Variants in CNTNAP1 observed in about 807,000 individuals in gnomAD.
CNTNAP1 encodes contactin-associated protein 1.
CNTNAP1 carries 80 observed loss-of-function variants against 161.5 expected under a neutral mutation model. The observed-to-expected ratio is 0.50, with a 90% CI of 0.41 to 0.60. The LOEUF (loss-of-function observed/expected upper bound fraction) is 0.60. Ranked by LOEUF, CNTNAP1 falls within the 20% of genes least tolerant of loss-of-function variation. The probability of loss-of-function intolerance (pLI) is 0.00; values close to 1 mark genes in which losing one functional copy is unlikely to be tolerated. For synonymous variants in CNTNAP1, 695 were observed against 733.1 expected (o/e 0.95, Z 0.84); for missense variants, 1,464 against 1,854.8 (o/e 0.79, Z 3.87).
In CNTNAP1 at chr17:42,692,549, C is replaced by A; in HGVS notation, c.2581C>A (p.Leu861Ile). The change falls in exon 17 of 24, where the codon CTC (leucine) becomes ATC (isoleucine). Residue 861 changes from leucine (L) to isoleucine (I), a missense_variant. By Grantham distance (5) the Leu-to-Ile change is conservative (BLOSUM62 2). This residue lies in a region of CNTNAP1 where 1,383 missense variants were observed against 1,765.0 expected (regional missense o/e 0.78). Transcript: ENST00000264638. Reference protein sequence around the residue: ...AFDVGNGDENLTVHSDDFEFN... With the variant: ...AFDVGNGDENITVHSDDFEFN... ...TGATGTGGGGAATGGGGATGAGAAC[C>A]TCACAGTACACTCAGACGACTTTGA... 1 of 1,614,190 alleles carries A rather than the reference C, an allele frequency of 6.2e-7. No homozygotes were observed. The highest frequency in any genetic ancestry group is 1.7e-5 in the Admixed American group (1 of 60,024).
Position 42,687,810 on chromosome 17 carries a change from C to T in CNTNAP1, c.1135C>T (p.Arg379Cys), listed in dbSNP as rs1193724286. 2 of 1,614,238 alleles carry T rather than the reference C, an allele frequency of 1.2e-6. No homozygotes were observed. Among genetic ancestry groups the T allele is most frequent in the East Asian group, 4.5e-5 (2 of 44,888 alleles). ...CTTCGTTCAAGTGCCCGGTTTCCCACGCCGTGGCCGCCTGGCAGTCTCATT... is the reference window on the plus strand; with the variant it reads ...CTTCGTTCAAGTGCCCGGTTTCCCATGCCGTGGCCGCCTGGCAGTCTCATT... Reference protein sequence around the residue: ...HNFVQVPGFPRRGRLAVSFRF... With the variant: ...HNFVQVPGFPCRGRLAVSFRF... Residue 379 changes from arginine to cysteine, a missense_variant, in exon 8 of 24, where the codon CGC (arginine) becomes TGC (cysteine). By Grantham distance (180) the Arg-to-Cys change is radical (BLOSUM62 -3). Around this residue, in one of 3 missense-constraint regions of CNTNAP1, gnomAD observed 1,383 missense variants for 1,765.0 expected, o/e 0.78. Transcript: ENST00000264638. The surrounding 1 kb of genome is among the most constrained non-coding windows in gnomAD (Gnocchi z 4.7).
chr17:42,686,784 G>C (rs920483417), intron 6 of CNTNAP1, 119 bp from the exon 7 acceptor site: 3 of 1,211,482 alleles, frequency 2.5e-6, no homozygotes, highest in Non-Finnish European at 3.4e-6. Context: ...GGGGAAATGT[G>C]TGTTTTAAGT....
Position 42,686,387 on chromosome 17 carries a change from T to A in CNTNAP1, c.900+246T>A, listed in dbSNP as rs573983307. Among the ~76,000 whole-genome samples, 683 of 148,840 alleles carry A rather than the reference T, an allele frequency of 4.6e-3. 5 individuals are homozygous for A. The highest frequency in any genetic ancestry group is 0.013 in the African/African-American group (513 of 40,814). On this transcript the variant is annotated intron_variant, in intron 6 of 23. Coordinates refer to ENST00000264638, the MANE Select transcript of CNTNAP1 (RefSeq NM_003632.3). ...CATCCTACCTCTATTTAAAAAAATT[T>A]TTTTTTTCAAAGACCTCGCATTCCA...
rs2053088005 is a variant in CNTNAP1 at position 42,691,679 on chromosome 17, T to G, written c.2345-127T>G. 12 of 1,343,654 alleles carry G rather than the reference T, an allele frequency of 8.9e-6. No individual in the cohort carries two copies. The highest frequency in any genetic ancestry group is 1.3e-5 in the Non-Finnish European group (12 of 957,674). The allele number at this position is 1,343,654 out of a possible 1,614,324, so 83.2% of individuals were successfully genotyped here. ...CCTGGCTCCTCTTTCATTCCACTCC[T>G]TAGTCTCCCCTCCGTCACCTCAAAC... On this transcript the variant is annotated intron_variant, in intron 15 of 23. Coordinates refer to ENST00000264638, the MANE Select transcript of CNTNAP1 (RefSeq NM_003632.3). The surrounding 1 kb of genome is among the most constrained non-coding windows in gnomAD (Gnocchi z 4.3).
chr17:42,684,339 A>G, intron 3 of CNTNAP1, 110 bp downstream of exon 3: 1 of 1,047,060 alleles, frequency 9.6e-7, no homozygotes, highest in Non-Finnish European at 1.4e-6. Flanking sequence ...GGGCTCGGAC[A>G]AGGAGCAGTG....
chr17:42,682,636 G>C lies in CNTNAP1; in HGVS notation c.-194G>C. The stretch of plus-strand genomic sequence containing the variant: ...GAGAAGAGCGGAGGACCAGGAACCA[G>C]AGAGAGAGAGAGAGAAAAGAGAGAG... On this transcript the variant is annotated 5_prime_UTR_variant, in exon 1 of 24. Transcript: ENST00000264638. 4.8e-6 allele frequency: 1 copy of C among 207,168 alleles called. No individual in the cohort carries two copies. The highest frequency in any genetic ancestry group is 9.7e-6 in the Non-Finnish European group (1 of 102,826). 12.8% of individuals were successfully genotyped at this position (207,168 alleles called of 1,614,324 possible). A position where few individuals can be genotyped will look rare whatever the true frequency, so the allele number is the denominator to read the frequency against.
intron 6 of CNTNAP1, among the ~76,000 whole-genome samples, chr17:42,686,580 C>G (rs1346264653): frequency 7.0e-6 from 1 of 141,916 alleles, no homozygotes; most frequent in Non-Finnish European, 1.5e-5. Flanking sequence ...ATTTTGGGGA[C>G]TAGGCAAGGT....
Position 42,698,689 on chromosome 17 carries a change from A to G in CNTNAP1, c.3934A>G (p.Lys1312Glu). Residue 1312 changes from lysine to glutamate, a missense_variant, in exon 24 of 24, where the codon AAG becomes GAG. By Grantham distance (56) the Lys-to-Glu change is moderately conservative. Around this residue, in one of 3 missense-constraint regions of CNTNAP1, gnomAD observed 1,383 missense variants for 1,765.0 expected, o/e 0.78. Transcript: ENST00000264638. ...CTTCTATCTGCAAAATCATCGCTAT[A>G]AGGGCTCCTACCATACCAATGAGCC... is the stretch of plus-strand genomic sequence containing the variant. ...VLFYLQNHRY[K>E]GSYHTNEPKA... 1.2e-6 allele frequency: 2 copies of G among 1,613,196 alleles called. No homozygotes were observed. The highest frequency in any genetic ancestry group is 1.7e-6 in the Non-Finnish European group (2 of 1,179,582).
At position 42,687,807 on chromosome 17, in the gene CNTNAP1, C is replaced by T; in HGVS notation, c.1132C>T (p.Pro378Ser). 1 of 1,614,238 alleles carries T rather than the reference C, an allele frequency of 6.2e-7. No individual in the cohort carries two copies. The highest frequency in any genetic ancestry group is 1.6e-4 in the Middle Eastern group (1 of 6,062). Reference sequence around the variant, plus strand: ...CAACTTCGTTCAAGTGCCCGGTTTCCCACGCCGTGGCCGCCTGGCAGTCTC... The same window carrying T: ...CAACTTCGTTCAAGTGCCCGGTTTCTCACGCCGTGGCCGCCTGGCAGTCTC... ...PHNFVQVPGF[P>S]RRGRLAVSFR... The change falls in exon 8 of 24, where the codon CCA becomes TCA. Residue 378 changes from proline (P) to serine (S), a missense_variant. Physicochemically the swap from Pro to Ser is moderately conservative, Grantham distance 74. This residue lies in a region of CNTNAP1 where 1,383 missense variants were observed against 1,765.0 expected (regional missense o/e 0.78). Transcript: ENST00000264638. This position sits in a 1 kb window ranked among gnomAD's most constrained non-coding sequence, Gnocchi z 4.7.
rs561659603 is a variant in CNTNAP1 at position 42,685,302 on chromosome 17, C to T, written c.597C>T (p.Phe199=). Residue 199 remains phenylalanine, a synonymous_variant, in exon 5 of 24, where the codon TTC becomes TTT. Transcript: ENST00000264638. The surrounding 1 kb of genome is among the most constrained non-coding windows in gnomAD (Gnocchi z 5.0). The part of the protein sequence containing the change: ...RGVSRSLWDV[F]AFSFKTEEKD... The stretch of plus-strand genomic sequence containing the variant: ...TCAGCCGAAGCCTGTGGGACGTGTT[C>T]GCCTTCAGCTTCAAGACCGAGGAGA... 16 of 1,613,356 alleles carry T rather than the reference C, an allele frequency of 9.9e-6. No homozygotes were observed. In the South Asian group the frequency reaches 1.5e-4, roughly 15 times the overall value.
chr17:42,683,926 A>C lies in CNTNAP1; in HGVS notation c.169+4A>C. On this transcript the variant is annotated splice_donor_region_variant and intron_variant, in intron 2 of 23. Transcript: ENST00000264638. Reference sequence around the variant, plus strand: ...CCGAGATTCGCCAGGCTGCACGGTGAGCTCCGCGGAACATCAGCTGCCAAC... The same window carrying C: ...CCGAGATTCGCCAGGCTGCACGGTGCGCTCCGCGGAACATCAGCTGCCAAC... 2 of 1,613,852 alleles carry C rather than the reference A, an allele frequency of 1.2e-6. No homozygotes were observed. The highest frequency in any genetic ancestry group is 1.7e-6 in the Non-Finnish European group (2 of 1,179,906).
chr17:42,691,281 A>C lies in CNTNAP1; in HGVS notation c.2204A>C (p.Asp735Ala). 1 of 1,614,094 alleles carries C rather than the reference A, an allele frequency of 6.2e-7. No individual in the cohort carries two copies. Among genetic ancestry groups the C allele is most frequent in the Non-Finnish European group, 8.5e-7 (1 of 1,179,992 alleles). ...GCCTTGTACTGCAACTGTGACGCTG[A>C]CCAGCCCCAGTGGTGAGGGGGCAAA... Reference protein sequence around the residue: ...DPALYCNCDADQPQWRTDKGL... With the variant: ...DPALYCNCDAAQPQWRTDKGL... Residue 735 changes from aspartate to alanine, a missense_variant, in exon 14 of 24, where the codon GAC becomes GCC. Around this residue, in one of 3 missense-constraint regions of CNTNAP1, gnomAD observed 1,383 missense variants for 1,765.0 expected, o/e 0.78. Coordinates refer to ENST00000264638, the MANE Select transcript of CNTNAP1 (RefSeq NM_003632.3). This position sits in a 1 kb window ranked among gnomAD's most constrained non-coding sequence, Gnocchi z 4.3.
At chr17:42,683,376 G>C in intron 1 of CNTNAP1, 1 of 1,081,088 alleles carries the variant, frequency 9.2e-7, no homozygotes, top group South Asian at 2.8e-5. Context: ...CATGGAGCTG[G>C]TGATGGTGCT....
chr17:42,690,811 G>A lies in CNTNAP1; in HGVS notation c.1928G>A (p.Arg643Gln), dbSNP rs202120747. Residue 643 changes from arginine (R) to glutamine (Q), a missense_variant, in exon 13 of 24, where the codon CGG becomes CAG. Coordinates refer to ENST00000264638, the MANE Select transcript of CNTNAP1 (RefSeq NM_003632.3). ...TTRVTGSSMERPFLGAIQYWN... is the reference protein window; with the variant it reads ...TTRVTGSSMEQPFLGAIQYWN... ...CGAGTGACAGGTTCCAGCATGGAGCGGCCATTCCTGGGGGCTATCCAGTAC... is the reference window on the plus strand; with the variant it reads ...CGAGTGACAGGTTCCAGCATGGAGCAGCCATTCCTGGGGGCTATCCAGTAC... The A allele has an allele frequency of 1.5e-5, 25 of 1,614,222 alleles. No individual in the cohort carries two copies. In the Admixed American group the frequency reaches 2.0e-4, roughly 13 times the overall value.
Position 42,690,802 on chromosome 17 carries a change from G to T in CNTNAP1, c.1919G>T (p.Ser640Ile), listed in dbSNP as rs148491713. 29 of 1,614,124 alleles carry T rather than the reference G, an allele frequency of 1.8e-5. No homozygotes were observed. Among genetic ancestry groups the T allele is most frequent in the Non-Finnish European group, 2.3e-5 (27 of 1,180,054 alleles). The change falls in exon 13 of 24, where the codon AGC becomes ATC. Residue 640 changes from serine to isoleucine, a missense_variant. By Grantham distance (142) the Ser-to-Ile change is moderately radical. Around this residue, in one of 3 missense-constraint regions of CNTNAP1, gnomAD observed 1,383 missense variants for 1,765.0 expected, o/e 0.78. Transcript: ENST00000264638. ...TGGACAACTCGAGTGACAGGTTCCA[G>T]CATGGAGCGGCCATTCCTGGGGGCT... ...RLWTTRVTGS[S>I]MERPFLGAIQ...
rs1313532303 is a variant in CNTNAP1 at position 42,698,530 on chromosome 17, AGTGCGTGT to A, written c.3863-84_3863-77del. The stretch of plus-strand genomic sequence containing the variant: ...TATGTATACAGGTGAAATCTCAAAG[AGTGCGTGT>A]GTGTGTGTGTGTGTGTGTGTGTGTG... On this transcript the variant is annotated intron_variant, in intron 23 of 23. Transcript: ENST00000264638. 3 of 1,039,654 alleles carry A rather than the reference AGTGCGTGT, an allele frequency of 2.9e-6. No homozygotes were observed. The Admixed American group carries it at 7.1e-5, about 25-fold the overall frequency. 64.4% of individuals were successfully genotyped at this position (1,039,654 alleles called of 1,614,324 possible). A position where few individuals can be genotyped will look rare whatever the true frequency, so the allele number is the denominator to read the frequency against.
rs1481386569 is a variant in CNTNAP1 at position 42,696,040 on chromosome 17, G to A, written c.3362G>A (p.Arg1121Gln). 71 of 1,613,952 alleles carry A rather than the reference G, an allele frequency of 4.4e-5. No individual in the cohort carries two copies. Among genetic ancestry groups the A allele is most frequent in the African/African-American group, 8.0e-5 (6 of 74,886 alleles). The change falls in exon 20 of 24, where the codon CGA (arginine) becomes CAA (glutamine). Residue 1121 changes from arginine to glutamine, a missense_variant. By Grantham distance (43) the Arg-to-Gln change is conservative. Around this residue, in one of 3 missense-constraint regions of CNTNAP1, gnomAD observed 1,383 missense variants for 1,765.0 expected, o/e 0.78. Transcript: ENST00000264638. ...LIKDDGTLQL[R>Q]YQLGTSPYVY... The stretch of plus-strand genomic sequence containing the variant: ...CACCCCACAGGGACCCTTCAGCTGC[G>A]ATATCAGCTGGGCACCAGTCCCTAC...
At chr17:42,696,579 T>C (rs536240027) in intron 20 of CNTNAP1, among the ~76,000 whole-genome samples, 1 of 152,272 alleles carries the variant, frequency 6.6e-6, no homozygotes, top group East Asian at 1.9e-4. Flanking sequence ...TACCTCAGCC[T>C]CCCAAAGTGC....
At position 42,691,189 on chromosome 17, in the gene CNTNAP1, C is replaced by A; in HGVS notation, c.2112C>A (p.Tyr704Ter). 1 of 1,614,174 alleles carries A rather than the reference C, an allele frequency of 6.2e-7. No individual in the cohort carries two copies. The change falls in exon 14 of 24, where the codon TAC becomes TAA. Residue 704 changes from tyrosine (Y) to a stop codon, truncating the protein, a stop_gained. Coordinates refer to ENST00000264638, the MANE Select transcript of CNTNAP1 (RefSeq NM_003632.3). LOFTEE classifies it high-confidence loss of function. This position sits in a 1 kb window ranked among gnomAD's most constrained non-coding sequence, Gnocchi z 4.3. Reference sequence around the variant, plus strand: ...GCCGAAATGAGGAGCAGCACTTCTACTGGGGAGGCTCCCAGCCTGGGATCC... The same window carrying A: ...GCCGAAATGAGGAGCAGCACTTCTAATGGGGAGGCTCCCAGCCTGGGATCC... Reference protein sequence around the residue: ...WIGRNEEQHFYWGGSQPGIQR... With the variant: ...WIGRNEEQHF
Sources: gnomAD v4.1 joint callset for allele counts (sites outside exome capture counted in the v4.1 genomes callset) on GRCh38, gnomAD v4.1.1 for gene constraint, gnomAD v4.1.1 regional missense constraint, Gnocchi (gnomAD v3.1) non-coding constraint, MANE v1.5 for transcripts, NCBI Gene and HGNC (gene_info 2026-07-23, HGNC 2026-07-21) for gene names.